PATL2: variants seen among roughly 807,000 people sequenced by gnomAD.
PATL2 encodes the protein protein PAT1 homolog 2.
Under a neutral mutation model 77.0 loss-of-function variants are expected in PATL2, and 73 were observed. The observed-to-expected ratio is 0.95, with a 90% CI of 0.78 to 1.15. The LOEUF is 1.15. Ranked by LOEUF, PATL2 falls within the 50% of genes most tolerant of loss-of-function variation. The pLI is 0.00. For missense variants in PATL2, 618 were observed against 655.4 expected, an observed-to-expected ratio of 0.94 and a Z score of 0.62; for synonymous variants, 265 against 257.1, an observed-to-expected ratio of 1.03 and a Z score of -0.29.
At chr15:44,700,458 C>T (rs2086604502) in intron 3 of PATL2, among the ~76,000 whole-genome samples, 1 of 152,028 alleles carries the variant, frequency 6.6e-6, no homozygotes, top group Non-Finnish European at 1.5e-5. Flanking sequence ...TGTGCCACCA[C>T]ACCTCGCTAA....
intron 8 of PATL2, 54 bp from the exon 9 acceptor site, chr15:44,672,210 A>C: frequency 6.4e-7 from 1 of 1,551,202 alleles, no homozygotes; most frequent in Non-Finnish European, 8.7e-7. Context: ...GCACTTCCTA[A>C]GGAGTGTGGT....
intron 9 of PATL2, among the ~76,000 whole-genome samples, chr15:44,671,260 G>A (rs983413601): frequency 2.6e-5 from 4 of 152,086 alleles, no homozygotes; most frequent in South Asian, 2.1e-4. Flanking sequence ...AGGCCGAGGC[G>A]GGTGGATCAC....
chr15:44,697,243 G>C lies in PATL2; in HGVS notation c.-76+12853C>G, dbSNP rs1314211951. 2.2e-5 allele frequency: 3 copies of C among 139,192 alleles called. No homozygotes were observed. The East Asian group carries it at 6.3e-4, about 29-fold the overall frequency. The allele number at this position is 139,192 out of a possible 1,614,324, so 8.6% of individuals were successfully genotyped here. A position where few individuals can be genotyped will look rare whatever the true frequency, so the allele number is the denominator to read the frequency against. ...TTTCCTCTTCCTCCTCCCTTTTCTT[G>C]TTTCTTCTTCTTGCTCCTGCTCATT... On this transcript the variant is annotated intron_variant, in intron 3 of 17. Transcript: ENST00000682850.
At chr15:44,692,309 T>C (rs1198236905) in intron 3 of PATL2, among the ~76,000 whole-genome samples, 1 of 152,188 alleles carries the variant, frequency 6.6e-6, no homozygotes, top group Admixed American at 6.6e-5. Context: ...GTTTTCATAA[T>C]GGCCATGAAT....
At chr15:44,685,607 CAA>C (rs745919182) in intron 3 of PATL2, among the ~76,000 whole-genome samples, 11 of 112,654 alleles carry the variant, frequency 9.8e-5, no homozygotes, top group Non-Finnish European at 1.5e-4. Flanking sequence ...GACTCTGTCT[CAA>C]AAAAAAAAAA....
chr15:44,670,366 GT>G (rs1377724157), intron 9 of PATL2, among the ~76,000 whole-genome samples: 1 of 152,038 alleles, frequency 6.6e-6, no homozygotes, highest in Non-Finnish European at 1.5e-5. Context: ...GCTAATTTTT[GT>G]ATTTTTTGTA....
chr15:44,668,314 A>G (rs1263980736), intron 15 of PATL2, 28 bp downstream of exon 15: 7 of 1,543,730 alleles, frequency 4.5e-6, no homozygotes, highest in African/African-American at 2.8e-5. Flanking sequence ...AAAGCCATCT[A>G]TGGAAAAAAG....
Position 44,675,582 on chromosome 15 carries a change from G to A in PATL2, c.126C>T (p.Asp42=), listed in dbSNP as rs562812709. Residue 42 remains aspartate, a synonymous_variant, in exon 5 of 18, where the codon GAC becomes GAT. Coordinates refer to ENST00000682850, the MANE Select transcript of PATL2 (RefSeq NM_001387263.1). ...NEGEEEEEEE[D]EEDLDPDLDP... is the part of the protein sequence containing the mutation. ...CCAGATCTGGGTCCAGATCCTCCTC[G>A]TCCTCCTCCTCTTCCTCCTCCTCCC... 152 of 1,551,486 alleles carry A rather than the reference G, an allele frequency of 9.8e-5. No homozygotes were observed. Among genetic ancestry groups the A allele is most frequent in the African/African-American group, 3.3e-4 (24 of 72,984 alleles).
intron 3 of PATL2, among the ~76,000 whole-genome samples, chr15:44,691,749 GA>G (rs1229529692): frequency 1.3e-5 from 2 of 151,954 alleles, no homozygotes; most frequent in Non-Finnish European, 2.9e-5. Flanking sequence ...ATCTGCTCAG[GA>G]GGCTAAGAAA....
At chr15:44,672,510 C>T in intron 7 of PATL2, 54 bp from the exon 8 acceptor site, 1 of 1,487,790 alleles carries the variant, frequency 6.7e-7, no homozygotes. Context: ...AGTTCTCTGC[C>T]CCCTCCATTC....
In PATL2 at chr15:44,711,169, G is replaced by A. The variant is rs987603509; in HGVS notation, c.-403C>T. Reference sequence around the variant, plus strand: ...CAGGTCCGAGCAGTTAACTGGCTGGGGCACCATTAGCAAGTCACTTAGCAT... The same window carrying A: ...CAGGTCCGAGCAGTTAACTGGCTGGAGCACCATTAGCAAGTCACTTAGCAT... On this transcript the variant is annotated 5_prime_UTR_variant, in exon 1 of 18. Coordinates refer to ENST00000682850, the MANE Select transcript of PATL2 (RefSeq NM_001387263.1). 1.7e-5 allele frequency: 7 copies of A among 422,366 alleles called. No homozygotes were observed. The highest frequency in any genetic ancestry group is 1.2e-4 in the African/African-American group (6 of 49,930). The allele number at this position is 422,366 out of a possible 1,614,324, so 26.2% of individuals were successfully genotyped here.
At chr15:44,676,818 T>C in intron 3 of PATL2, 14 of 1,145,674 alleles carry the variant, frequency 1.2e-5, no homozygotes, top group Non-Finnish European at 1.3e-5. Flanking sequence ...CCAACCGACA[T>C]CACCAGTCAC....
At chr15:44,669,656 C>T (rs1035617979) in intron 11 of PATL2, 93 bp from the exon 12 acceptor site, 8 of 1,516,592 alleles carry the variant, frequency 5.3e-6, no homozygotes, top group Non-Finnish European at 7.1e-6. Flanking sequence ...GCTGGAAAGG[C>T]TAGAAACAAA....
chr15:44,709,757 T>G (rs2086814321), intron 3 of PATL2, among the ~76,000 whole-genome samples: 1 of 152,250 alleles, frequency 6.6e-6, no homozygotes, highest in South Asian at 2.1e-4. Context: ...GTTTTTAAAT[T>G]GGTTTTCCAA....
chr15:44,670,739 A>G (rs1219813351), intron 9 of PATL2, among the ~76,000 whole-genome samples: 1 of 152,150 alleles, frequency 6.6e-6, no homozygotes, highest in Non-Finnish European at 1.5e-5. Flanking sequence ...TGCATTCCTC[A>G]TGCTCTAGTA....
At chr15:44,705,846 G>T (rs2086725812) in intron 3 of PATL2, among the ~76,000 whole-genome samples, 1 of 134,116 alleles carries the variant, frequency 7.5e-6, no homozygotes, top group Admixed American at 8.2e-5. Context: ...CAGTTGCCCA[G>T]GCTGGAGTAC....
chr15:44,691,660 C>CAAAA (rs551878031), intron 3 of PATL2, among the ~76,000 whole-genome samples: 3 of 100,078 alleles, frequency 3.0e-5, no homozygotes, highest in Admixed American at 1.1e-4. Context: ...GACTCTGTCT[C>CAAAA]AAAAAAAAAA....
Position 44,668,443 on chromosome 15 carries a change from T to C in PATL2, c.1264A>G (p.Ser422Gly). 6.4e-7 allele frequency: 1 copy of C among 1,551,406 alleles called. No homozygotes were observed. The highest frequency in any genetic ancestry group is 8.7e-7 in the Non-Finnish European group (1 of 1,146,950). ...AGGAGTTCGTGGAGGGTCAAGTGAC[T>C]AATACATTTGCCCAGAGGTTTGAAT... The part of the protein sequence containing the change: ...MLFKPLGKCI[S>G]HLTLHELLQG... Residue 422 changes from serine (S) to glycine (G), a missense_variant, in exon 15 of 18, where the codon AGT (serine) becomes GGT (glycine). Coordinates refer to ENST00000682850, the MANE Select transcript of PATL2 (RefSeq NM_001387263.1).
chr15:44,675,254 C>T (rs2085895159), intron 5 of PATL2: 2 of 530,666 alleles, frequency 3.8e-6, no homozygotes, highest in Non-Finnish European at 6.5e-6. Context: ...GGGCGATGCA[C>T]AGCTCTGCTA....
Sources: allele counts gnomAD v4.1 joint callset (sites outside exome capture counted in the v4.1 genomes callset), GRCh38; gene constraint gnomAD v4.1.1; transcripts MANE v1.5; gene names NCBI Gene and HGNC (gene_info 2026-07-23, HGNC 2026-07-21).